Variants in ARHGAP15 observed in about 807,000 individuals in gnomAD.
The protein encoded by ARHGAP15 is rho GTPase-activating protein 15.
A neutral mutation model predicts 63.7 loss-of-function variants in ARHGAP15; 51 were observed. The observed-to-expected ratio is 0.80, with a 90% CI of 0.64 to 1.01. The LOEUF is 1.01. ARHGAP15 is among the 50% of genes least tolerant of loss of function. The pLI is 0.00. For synonymous variants in ARHGAP15, 191 were observed against 193.8 expected, an observed-to-expected ratio of 0.99 and a Z score of 0.12; for missense variants, 560 against 564.6, an observed-to-expected ratio of 0.99 and a Z score of 0.08.
At chr2:143,707,260 A>G (rs1331982632) in intron 13 of ARHGAP15, among the ~76,000 whole-genome samples, 1 of 152,094 alleles carries the variant, frequency 6.6e-6, no homozygotes, top group Non-Finnish European at 1.5e-5. Flanking sequence ...AAATCTTGAG[A>G]TTTTTCAAAG....
At chr2:143,338,016 G>T (rs1684883811) in intron 6 of ARHGAP15, among the ~76,000 whole-genome samples, 1 of 152,084 alleles carries the variant, frequency 6.6e-6, no homozygotes, top group Admixed American at 6.6e-5. Context: ...AATGTGTCTA[G>T]TAACAATAAT....
chr2:143,250,946 A>T lies in ARHGAP15; in HGVS notation c.474+346A>T, dbSNP rs1271730702. On this transcript the variant is annotated intron_variant, in intron 6 of 13. Transcript: ENST00000295095. Reference sequence around the variant, plus strand: ...AATTTTCAGATGCACACAAACTAAGACTCACCAAGTATAAGCTATTTACAT... The same window carrying T: ...AATTTTCAGATGCACACAAACTAAGTCTCACCAAGTATAAGCTATTTACAT... 2.6e-5 allele frequency among the ~76,000 whole-genome samples: 4 copies of T among 151,940 alleles called. No individual in the cohort carries two copies. The East Asian group carries it at 7.7e-4, about 29-fold the overall frequency.
chr2:143,272,077 G>A (rs1015136882), intron 6 of ARHGAP15, among the ~76,000 whole-genome samples: 2 of 152,182 alleles, frequency 1.3e-5, no homozygotes, highest in East Asian at 1.9e-4. Context: ...TACACATCAA[G>A]TGAAATCTAT....
At chr2:143,559,986 T>C (rs920005966) in intron 11 of ARHGAP15, among the ~76,000 whole-genome samples, 5 of 152,228 alleles carry the variant, frequency 3.3e-5, no homozygotes, top group African/African-American at 1.2e-4. Flanking sequence ...AAGTAAGCCC[T>C]GCCCACTGTT....
At chr2:143,592,759 A>T (rs1263598432) in intron 11 of ARHGAP15, among the ~76,000 whole-genome samples, 1 of 152,238 alleles carries the variant, frequency 6.6e-6, no homozygotes, top group Non-Finnish European at 1.5e-5. Context: ...TGGTTAATAT[A>T]GAAATGTGAG....
At chr2:143,592,722 C>T (rs1015533827) in intron 11 of ARHGAP15, among the ~76,000 whole-genome samples, 1 of 152,178 alleles carries the variant, frequency 6.6e-6, no homozygotes, top group Admixed American at 6.5e-5. Context: ...GGACACTTAG[C>T]TTATGCTTCA....
intron 10 of ARHGAP15, among the ~76,000 whole-genome samples, chr2:143,547,129 A>C (rs975068923): frequency 6.6e-6 from 1 of 152,164 alleles, no homozygotes; most frequent in South Asian, 2.1e-4. Context: ...TAAGGCTGGC[A>C]TATATCTGTA....
At chr2:143,523,116 C>T (rs1694124043) in intron 10 of ARHGAP15, among the ~76,000 whole-genome samples, 2 of 152,098 alleles carry the variant, frequency 1.3e-5, no homozygotes, top group Non-Finnish European at 2.9e-5. Flanking sequence ...CTTGTAAGTA[C>T]TCAATAAATA....
At position 143,674,086 on chromosome 2, in the gene ARHGAP15, TGTAA is replaced by T. The variant is rs984549522; in HGVS notation, c.1139-29330_1139-29327del. Among the ~76,000 whole-genome samples the T allele has an allele frequency of 6.6e-5, 10 of 152,166 alleles. No individual in the cohort carries two copies. The East Asian group carries it at 7.8e-4, about 12-fold the overall frequency. On this transcript the variant is annotated intron_variant, in intron 12 of 13. Transcript: ENST00000295095. ...GGTACAATCATTTTAGAAAAGCATT[TGTAA>T]GTGTCTTAAAAATTGAACATGCTCC... is the stretch of plus-strand genomic sequence containing the variant.
intron 6 of ARHGAP15, among the ~76,000 whole-genome samples, chr2:143,432,756 G>A (rs1689443174): frequency 1.3e-5 from 2 of 151,988 alleles, no homozygotes; most frequent in South Asian, 4.1e-4. Flanking sequence ...ATGCATTATT[G>A]ACACTGCACA....
At chr2:143,544,361 G>C (rs1695233992) in intron 10 of ARHGAP15, among the ~76,000 whole-genome samples, 1 of 151,906 alleles carries the variant, frequency 6.6e-6, no homozygotes, top group African/African-American at 2.4e-5. Context: ...TGGATCTGTG[G>C]GGACATAAAC....
intron 6 of ARHGAP15, among the ~76,000 whole-genome samples, chr2:143,324,389 A>T (rs529919435): frequency 6.6e-6 from 1 of 152,332 alleles, no homozygotes; most frequent in African/African-American, 2.4e-5. Flanking sequence ...GGTGAATTAC[A>T]TGCTAAAAAT....
At chr2:143,763,905 ACT>A (rs1339015634) in intron 13 of ARHGAP15, among the ~76,000 whole-genome samples, 3 of 150,676 alleles carry the variant, frequency 2.0e-5, no homozygotes, top group Non-Finnish European at 4.4e-5. Flanking sequence ...TTTCTTAATG[ACT>A]CTTAATTTTT....
In ARHGAP15 at chr2:143,557,774, A is replaced by G. The variant is rs1269212966; in HGVS notation, c.1003+1289A>G. 4.9e-5 allele frequency among the ~76,000 whole-genome samples: 7 copies of G among 142,080 alleles called. No individual in the cohort carries two copies. In the Admixed American group the frequency reaches 5.1e-4, roughly 10 times the overall value. 93.2% of individuals were successfully genotyped at this position (142,080 alleles called of 152,430 possible). ...TCTGCTCAATTATTCTGTAAACTTAACACTGCTCTAAAAGAAGTCTATTAA... is the reference window on the plus strand; with the variant it reads ...TCTGCTCAATTATTCTGTAAACTTAGCACTGCTCTAAAAGAAGTCTATTAA... On this transcript the variant is annotated intron_variant, in intron 11 of 13. Coordinates refer to ENST00000295095, the MANE Select transcript of ARHGAP15 (RefSeq NM_018460.4).
rs980061069 is a variant in ARHGAP15, at chr2:143,589,513, A to T, written c.1003+33028A>T. ...AAGGAAACTGAGGCTTAGTGAGGTT[A>T]ACTTACTCAAAGGCCCCATCTAGTT... On this transcript the variant is annotated intron_variant, in intron 11 of 13. Coordinates refer to ENST00000295095, the MANE Select transcript of ARHGAP15 (RefSeq NM_018460.4). Among the ~76,000 whole-genome samples, 139 of 152,204 alleles carry T rather than the reference A, an allele frequency of 9.1e-4. 1 individual carries two copies. Among genetic ancestry groups the T allele is most frequent in the Non-Finnish European group, 2.8e-4 (19 of 68,036 alleles).
At chr2:143,699,754 C>G (rs1403994348) in intron 12 of ARHGAP15, among the ~76,000 whole-genome samples, 1 of 152,160 alleles carries the variant, frequency 6.6e-6, no homozygotes, top group African/African-American at 2.4e-5. Flanking sequence ...AAAAGGTGAA[C>G]AAGACCCAGT....
intron 8 of ARHGAP15, among the ~76,000 whole-genome samples, chr2:143,485,707 C>T (rs1692293052): frequency 6.6e-6 from 1 of 152,058 alleles, no homozygotes; most frequent in Non-Finnish European, 1.5e-5. Context: ...ATTGTGGGTA[C>T]ACACCACGGA....
At chr2:143,133,388 G>A (rs796481105) in intron 1 of ARHGAP15, among the ~76,000 whole-genome samples, 59 of 152,292 alleles carry the variant, frequency 3.9e-4, no homozygotes, top group African/African-American at 1.4e-3. Flanking sequence ...TAACAGCAGG[G>A]TTTTTGAGCA....
intron 13 of ARHGAP15, among the ~76,000 whole-genome samples, chr2:143,722,159 A>T (rs572543953): frequency 7.9e-5 from 12 of 152,058 alleles, no homozygotes; most frequent in Admixed American, 5.2e-4. Context: ...TTCACTTTAG[A>T]TACTTGAAAA....
Sources: allele counts gnomAD v4.1 joint callset (sites outside exome capture counted in the v4.1 genomes callset), GRCh38; gene constraint gnomAD v4.1.1; transcripts MANE v1.5; gene names NCBI Gene and HGNC (gene_info 2026-07-23, HGNC 2026-07-21).